CTAGE1: variants seen among roughly 807,000 people sequenced by gnomAD.
CTAGE1 encodes the protein cutaneous T cell lymphoma-associated antigen 1, also known as cTAGE family member 2.
For missense variants in CTAGE1, 963 were observed against 855.9 expected (o/e 1.13, Z -1.56); for synonymous variants, 332 against 302.8 (o/e 1.10, Z -1.00).
Position 22,413,718 on chromosome 18 carries a change from A to G in CTAGE1, c.*1856T>C, listed in dbSNP as rs1349040895. 1.3e-5 allele frequency: 2 copies of G among 152,214 alleles called. No homozygotes were observed. Among genetic ancestry groups the G allele is most frequent in the African/African-American group, 4.8e-5 (2 of 41,456 alleles). The allele number at this position is 152,214 out of a possible 1,614,324, so 9.4% of individuals were successfully genotyped here. A position where few individuals can be genotyped will look rare whatever the true frequency, so the allele number is the denominator to read the frequency against. ...AATATTATTTTTCTTAGTTACAAAC[A>G]AGCAATGTCAGACACAAGGAACTGA... On this transcript the variant is annotated 3_prime_UTR_variant, in exon 1 of 1. Transcript: ENST00000391403.
chr18:22,416,207 CGGAG>C lies in CTAGE1; in HGVS notation c.1601_1604del (p.Pro534ArgfsTer17). 6.2e-7 allele frequency: 1 copy of C among 1,613,852 alleles called. No homozygotes were observed. The highest frequency in any genetic ancestry group is 8.5e-7 in the Non-Finnish European group (1 of 1,179,848). On this transcript the variant is annotated frameshift_variant, in exon 1 of 1. Coordinates refer to ENST00000391403, the MANE Select transcript of CTAGE1 (RefSeq NM_172241.3). LOFTEE classifies it low-confidence loss of function (END_TRUNC). ...CTCTTTCTTTGGTAATCTGATGGTC[CGGAG>C]GATTCCCTGGGCCTCTGGAGCCTCT...
In CTAGE1 at chr18:22,415,819, G is replaced by A. The variant is rs763780043; in HGVS notation, c.1993C>T (p.Leu665Phe). 1.2e-6 allele frequency: 2 copies of A among 1,614,008 alleles called. No homozygotes were observed. The highest frequency in any genetic ancestry group is 2.7e-5 in the African/African-American group (2 of 75,052). ...ATGPGFVPPP[L>F]APIRGLLFPV... ...AACAATAAACCTCTGATTGGAGCAA[G>A]AGGTGGAGGAACAAAGCCAGGGCCA... Residue 665 changes from leucine (L) to phenylalanine (F), a missense_variant, in exon 1 of 1, where the codon CTT (leucine) becomes TTT (phenylalanine). Coordinates refer to ENST00000391403, the MANE Select transcript of CTAGE1 (RefSeq NM_172241.3).
Position 22,416,629 on chromosome 18 carries a change from T to C in CTAGE1, c.1183A>G (p.Thr395Ala). The C allele has an allele frequency of 6.2e-7, 1 of 1,613,776 alleles. No individual in the cohort carries two copies. Among genetic ancestry groups the C allele is most frequent in the South Asian group, 1.1e-5 (1 of 90,878 alleles). ...TTTCGGTAGGTCTCCAGCTCTTCAG[T>C]GGCATGGCTGATCATTTCGTCTACT... ...SKVDEMISHA[T>A]EELETYRKRA... The change falls in exon 1 of 1, where the codon ACT becomes GCT. Residue 395 changes from threonine to alanine, a missense_variant. Transcript: ENST00000391403.
chr18:22,416,522 A>G lies in CTAGE1; in HGVS notation c.1290T>C (p.His430=), dbSNP rs1813482468. 1 of 1,613,408 alleles carries G rather than the reference A, an allele frequency of 6.2e-7. No individual in the cohort carries two copies. Among genetic ancestry groups the G allele is most frequent in the African/African-American group, 1.3e-5 (1 of 74,866 alleles). Residue 430 remains histidine (H), a synonymous_variant, in exon 1 of 1, where the codon CAT becomes CAC. Coordinates refer to ENST00000391403, the MANE Select transcript of CTAGE1 (RefSeq NM_172241.3). ...KKIILHEKKA[H]DNWSAAWTAE... is the part of the protein sequence containing the mutation. ...CAGTCCAAGCTGCCGACCAATTATC[A>G]TGTGCTTTTTTCTCATGGAGAATAA...
rs1263766134 is a variant in CTAGE1 at position 22,413,802 on chromosome 18, A to G, written c.*1772T>C. 6.6e-6 allele frequency: 1 copy of G among 152,216 alleles called. No homozygotes were observed. The highest frequency in any genetic ancestry group is 1.5e-5 in the Non-Finnish European group (1 of 68,034). The allele number at this position is 152,216 out of a possible 1,614,324, so 9.4% of individuals were successfully genotyped here. On this transcript the variant is annotated 3_prime_UTR_variant, in exon 1 of 1. Coordinates refer to ENST00000391403, the MANE Select transcript of CTAGE1 (RefSeq NM_172241.3). ...GGGGAAAGGTGGCAAAGTAGACACA[A>G]AGAGATGACAATACCTGTTTCATAC...
chr18:22,417,054 T>C lies in CTAGE1; in HGVS notation c.758A>G (p.Glu253Gly). The C allele has an allele frequency of 6.2e-7, 1 of 1,613,998 alleles. No individual in the cohort carries two copies. Among genetic ancestry groups the C allele is most frequent in the Non-Finnish European group, 8.5e-7 (1 of 1,179,856 alleles). ...KMKDGVAMLE[E>G]DVTDDDNLEL... The stretch of plus-strand genomic sequence containing the variant: ...CAAGTTATCATCATCCGTTACATCT[T>C]CTTCAAGCATAGCAACCCCATCTTT... Residue 253 changes from glutamate to glycine, a missense_variant, in exon 1 of 1, where the codon GAA (glutamate) becomes GGA (glycine). Coordinates refer to ENST00000391403, the MANE Select transcript of CTAGE1 (RefSeq NM_172241.3).
chr18:22,415,907 G>C lies in CTAGE1; in HGVS notation c.1905C>G (p.Thr635=). ...PSEMESSRND[T]KDNLGNLKVP... Reference sequence around the variant, plus strand: ...CCTTTAAATTACCAAGATTATCTTTGGTATCATTTCTACTGGATTCCATTT... The same window carrying C: ...CCTTTAAATTACCAAGATTATCTTTCGTATCATTTCTACTGGATTCCATTT... Residue 635 remains threonine (T), a synonymous_variant, in exon 1 of 1, where the codon ACC becomes ACG. Coordinates refer to ENST00000391403, the MANE Select transcript of CTAGE1 (RefSeq NM_172241.3). 6.2e-7 allele frequency: 1 copy of C among 1,613,822 alleles called. No homozygotes were observed. Among genetic ancestry groups the C allele is most frequent in the Non-Finnish European group, 8.5e-7 (1 of 1,179,834 alleles).
rs2143789408 is a variant in CTAGE1 at position 22,414,523 on chromosome 18, C to G, written c.*1051G>C. The G allele has an allele frequency of 1.7e-6, 1 of 591,390 alleles. No homozygotes were observed. The highest frequency in any genetic ancestry group is 2.8e-5 in the East Asian group (1 of 35,902). The allele number at this position is 591,390 out of a possible 1,614,324, so 36.6% of individuals were successfully genotyped here. A position where few individuals can be genotyped will look rare whatever the true frequency, so the allele number is the denominator to read the frequency against. Reference sequence around the variant, plus strand: ...GCCCAGCTTGCATGAAGGACTAATCCAAAATTTGAGGGCGTCTCTCAGGGA... The same window carrying G: ...GCCCAGCTTGCATGAAGGACTAATCGAAAATTTGAGGGCGTCTCTCAGGGA... On this transcript the variant is annotated 3_prime_UTR_variant, in exon 1 of 1. Coordinates refer to ENST00000391403, the MANE Select transcript of CTAGE1 (RefSeq NM_172241.3).
chr18:22,416,932 C>G lies in CTAGE1; in HGVS notation c.880G>C (p.Ala294Pro). Residue 294 changes from alanine (A) to proline (P), a missense_variant, in exon 1 of 1, where the codon GCT (alanine) becomes CCT (proline). Coordinates refer to ENST00000391403, the MANE Select transcript of CTAGE1 (RefSeq NM_172241.3). The part of the protein sequence containing the change: ...KKLIHAAKLN[A>P]SLKTLEGERN... ...TCTCCTTCTAAGGTTTTTAAGGAAG[C>G]ATTTAACTTAGCAGCATGAATCAGT... is the stretch of plus-strand genomic sequence containing the variant. 1 of 1,613,956 alleles carries G rather than the reference C, an allele frequency of 6.2e-7. No homozygotes were observed. Among genetic ancestry groups the G allele is most frequent in the Non-Finnish European group, 8.5e-7 (1 of 1,179,912 alleles).
rs372206280 is a variant in CTAGE1, at chr18:22,417,671, C to T, written c.141G>A (p.Lys47=). ...TTAGTCCAGAAAGTGCCACAGCAAACTTTTTCTCTCTTCTCACATAAAGCC... is the reference window on the plus strand; with the variant it reads ...TTAGTCCAGAAAGTGCCACAGCAAATTTTTTCTCTCTTCTCACATAAAGCC... ...TSRLYVRREK[K]FAVALSGLIE... Residue 47 remains lysine, a synonymous_variant, in exon 1 of 1, where the codon AAG becomes AAA. Transcript: ENST00000391403. 8 of 1,614,024 alleles carry T rather than the reference C, an allele frequency of 5.0e-6. No homozygotes were observed. Among genetic ancestry groups the T allele is most frequent in the Admixed American group, 3.3e-5 (2 of 60,020 alleles).
rs916211475 is a variant in CTAGE1 at position 22,414,408 on chromosome 18, A to G, written c.*1166T>C. On this transcript the variant is annotated 3_prime_UTR_variant, in exon 1 of 1. Coordinates refer to ENST00000391403, the MANE Select transcript of CTAGE1 (RefSeq NM_172241.3). ...TTTATTACATTCAAGCAGAGACTGG[A>G]GTGGCATTAACTGCTAGGGGAGGCA... 4 of 469,286 alleles carry G rather than the reference A, an allele frequency of 8.5e-6. No homozygotes were observed. Among genetic ancestry groups the G allele is most frequent in the African/African-American group, 5.9e-5 (3 of 50,704 alleles). The allele number at this position is 469,286 out of a possible 1,614,324, so 29.1% of individuals were successfully genotyped here.
Position 22,416,151 on chromosome 18 carries a change from G to A in CTAGE1, c.1661C>T (p.Pro554Leu), listed in dbSNP as rs2035012192. Reference sequence around the variant, plus strand: ...CCCAGCGTCAGAAGGAGCCCTGTGAGGATCAGTTAACCTATCACAGCTTGA... The same window carrying A: ...CCCAGCGTCAGAAGGAGCCCTGTGAAGATCAGTTAACCTATCACAGCTTGA... Reference protein sequence around the residue: ...GESSCDRLTDPHRAPSDAGPL... With the variant: ...GESSCDRLTDLHRAPSDAGPL... Residue 554 changes from proline to leucine, a missense_variant, in exon 1 of 1, where the codon CCT (proline) becomes CTT (leucine). Coordinates refer to ENST00000391403, the MANE Select transcript of CTAGE1 (RefSeq NM_172241.3). The A allele has an allele frequency of 6.2e-7, 1 of 1,613,930 alleles. No homozygotes were observed. The highest frequency in any genetic ancestry group is 1.3e-5 in the African/African-American group (1 of 75,032).
rs756356033 is a variant in CTAGE1 at position 22,417,902 on chromosome 18, G to T, written c.-91C>A. ...GGTTAGCCCTAGGCTCCTCCGTAGC[G>T]CCAAGGCTGCTCTGGCGGTTGCTGC... On this transcript the variant is annotated 5_prime_UTR_variant, in exon 1 of 1. Coordinates refer to ENST00000391403, the MANE Select transcript of CTAGE1 (RefSeq NM_172241.3). The T allele has an allele frequency of 2.2e-4, 281 of 1,260,170 alleles. No homozygotes were observed. Among genetic ancestry groups the T allele is most frequent in the Non-Finnish European group, 3.1e-4 (275 of 876,788 alleles). The allele number at this position is 1,260,170 out of a possible 1,614,324, so 78.1% of individuals were successfully genotyped here.
In CTAGE1 at chr18:22,416,571, G is replaced by A. The variant is rs150608036; in HGVS notation, c.1241C>T (p.Thr414Ile). 938 of 1,610,160 alleles carry A rather than the reference G, an allele frequency of 5.8e-4. 8 individuals carry two copies. In the East Asian group the frequency reaches 0.015, roughly 26 times the overall value. ...AATCTTCTTTTGATAAAAATGAATA[G>A]TTTTCTCAAATTCTTTAAGATCTTT... Reference protein sequence around the residue: ...RAKDLKEFEKTIHFYQKKIIL... With the variant: ...RAKDLKEFEKIIHFYQKKIIL... The change falls in exon 1 of 1, where the codon ACT (threonine) becomes ATT (isoleucine). Residue 414 changes from threonine to isoleucine, a missense_variant. By Grantham distance (89) the Thr-to-Ile change is moderately conservative. Transcript: ENST00000391403.
chr18:22,416,948 A>T lies in CTAGE1; in HGVS notation c.864T>A (p.His288Gln), dbSNP rs2035022431. 1 of 1,613,932 alleles carries T rather than the reference A, an allele frequency of 6.2e-7. No homozygotes were observed. The highest frequency in any genetic ancestry group is 8.5e-7 in the Non-Finnish European group (1 of 1,179,932). ...PPKGALKKLI[H>Q]AAKLNASLKT... The stretch of plus-strand genomic sequence containing the variant: ...TTAAGGAAGCATTTAACTTAGCAGC[A>T]TGAATCAGTTTCTTCAAAGCTCCTT... The change falls in exon 1 of 1, where the codon CAT becomes CAA. Residue 288 changes from histidine to glutamine, a missense_variant. Transcript: ENST00000391403.
rs1222389966 is a variant in CTAGE1, at chr18:22,417,121, C to T, written c.691G>A (p.Glu231Lys). 3.1e-6 allele frequency: 5 copies of T among 1,613,870 alleles called. No homozygotes were observed. In the South Asian group the frequency reaches 4.4e-5, roughly 14 times the overall value. ...TCAGTCAGAGTCTTGATGTGATTTT[C>T]TTTATCATTTAGAACTTGTTCTGCA... ...VHAEQVLNDK[E>K]NHIKTLTERL... Residue 231 changes from glutamate (E) to lysine (K), a missense_variant, in exon 1 of 1, where the codon GAA (glutamate) becomes AAA (lysine). By Grantham distance (56) the Glu-to-Lys change is moderately conservative. Transcript: ENST00000391403.
chr18:22,414,915 TGAG>T lies in CTAGE1; in HGVS notation c.*656_*658del. The T allele has an allele frequency of 1.5e-6, 1 of 657,306 alleles. No individual in the cohort carries two copies. The highest frequency in any genetic ancestry group is 2.7e-6 in the Non-Finnish European group (1 of 368,930). 40.7% of individuals were successfully genotyped at this position (657,306 alleles called of 1,614,324 possible). On this transcript the variant is annotated 3_prime_UTR_variant, in exon 1 of 1. Coordinates refer to ENST00000391403, the MANE Select transcript of CTAGE1 (RefSeq NM_172241.3). The stretch of plus-strand genomic sequence containing the variant: ...AAAGGGAGGGCGAAGAAACCATTCT[TGAG>T]GAAAACAGAGGAAACACGAATACTT...
Position 22,417,900 on chromosome 18 carries a change from G to T in CTAGE1, c.-89C>A. 1.6e-6 allele frequency: 2 copies of T among 1,288,346 alleles called. No homozygotes were observed. Among genetic ancestry groups the T allele is most frequent in the Non-Finnish European group, 2.2e-6 (2 of 900,766 alleles). The allele number at this position is 1,288,346 out of a possible 1,614,324, so 79.8% of individuals were successfully genotyped here. A position where few individuals can be genotyped will look rare whatever the true frequency, so the allele number is the denominator to read the frequency against. ...AGGGTTAGCCCTAGGCTCCTCCGTAGCGCCAAGGCTGCTCTGGCGGTTGCT... is the reference window on the plus strand; with the variant it reads ...AGGGTTAGCCCTAGGCTCCTCCGTATCGCCAAGGCTGCTCTGGCGGTTGCT... On this transcript the variant is annotated 5_prime_UTR_variant, in exon 1 of 1. Transcript: ENST00000391403.
Position 22,416,742 on chromosome 18 carries a change from T to C in CTAGE1, c.1070A>G (p.Glu357Gly). The C allele has an allele frequency of 6.2e-7, 1 of 1,612,734 alleles. No homozygotes were observed. Among genetic ancestry groups the C allele is most frequent in the Non-Finnish European group, 8.5e-7 (1 of 1,179,568 alleles). Residue 357 changes from glutamate to glycine, a missense_variant, in exon 1 of 1, where the codon GAA becomes GGA. Transcript: ENST00000391403. ...KLQQKLKVMT[E>G]LYQENEMKLY... ...TTTCATTTCATTTTCTTGATATAAT[T>C]CAGTCATTACTTTAAGTTTCTGCTG...
Sources: allele counts gnomAD v4.1 joint callset, GRCh38; gene constraint gnomAD v4.1.1; transcripts MANE v1.5; gene names NCBI Gene and HGNC (gene_info 2026-07-23, HGNC 2026-07-21).